NHS: variants seen among roughly 807,000 people sequenced by gnomAD.
NHS encodes NHS actin remodeling regulator.
NHS carries 5 observed loss-of-function variants against 72.5 expected under a neutral mutation model. The observed-to-expected ratio is 0.07, with a 90% CI of 0.04 to 0.14. The LOEUF is 0.14. Among genes scored for constraint, NHS ranks in the 10% least tolerant of loss-of-function variants. The pLI, the probability that NHS is intolerant of heterozygous loss-of-function variation, is 1.00. For synonymous variants in NHS, 464 were observed against 547.7 expected, an observed-to-expected ratio of 0.85 and a Z score of 2.13; for missense variants, 1,072 against 1,355.7, an observed-to-expected ratio of 0.79 and a Z score of 3.29.
At chrX:17,688,799 T>C (rs934811027) in intron 2 of NHS, among the ~76,000 whole-genome samples, 3 of 112,187 alleles carry the variant, frequency 2.7e-5, no homozygotes, top group African/African-American at 9.7e-5. Flanking sequence ...GCAGTCAAAA[T>C]AGGAATACAG....
chrX:17,643,129 T>G (rs2065889843), intron 1 of NHS, among the ~76,000 whole-genome samples: 1 of 112,185 alleles, frequency 8.9e-6, no homozygotes, highest in Non-Finnish European at 1.9e-5. Flanking sequence ...CTGATGCAGG[T>G]ACAGTTATTC....
intron 1 of NHS, among the ~76,000 whole-genome samples, chrX:17,549,524 G>A (rs1219457012): frequency 8.9e-6 from 1 of 111,786 alleles, no homozygotes; most frequent in Non-Finnish European, 1.9e-5. Flanking sequence ...TGACAAGAGT[G>A]TCAGCTTCCA....
At chrX:17,438,691 T>A (rs1175222764) in intron 1 of NHS, among the ~76,000 whole-genome samples, 1 of 112,051 alleles carries the variant, frequency 8.9e-6, no homozygotes, top group Non-Finnish European at 1.9e-5. Flanking sequence ...GTGACAGAAA[T>A]CTACAAAAAC....
At chrX:17,536,492 C>G (rs1244272152) in intron 1 of NHS, among the ~76,000 whole-genome samples, 2 of 112,669 alleles carry the variant, frequency 1.8e-5, no homozygotes, top group African/African-American at 6.5e-5. Flanking sequence ...TCTACCTAGT[C>G]AGAGATCCAT....
intron 1 of NHS, among the ~76,000 whole-genome samples, chrX:17,406,728 C>T (rs1231642680): frequency 1.8e-5 from 2 of 112,224 alleles, no homozygotes; most frequent in African/African-American, 6.5e-5. Context: ...GAATCATTAA[C>T]GCTGTCTCCC....
intron 1 of NHS, among the ~76,000 whole-genome samples, chrX:17,477,209 T>A (rs772387508): frequency 4.5e-5 from 5 of 111,929 alleles, no homozygotes; most frequent in African/African-American, 1.6e-4. Context: ...GGGTGCCATA[T>A]TAAATCAAGC....
At chrX:17,681,464 A>G (rs912132651) in intron 1 of NHS, among the ~76,000 whole-genome samples, 1 of 111,552 alleles carries the variant, frequency 9.0e-6, no homozygotes, top group Non-Finnish European at 1.9e-5. Context: ...TCTTTCCACC[A>G]GCCCATCCTG....
intron 1 of NHS, among the ~76,000 whole-genome samples, chrX:17,591,111 T>C (rs1384577033): frequency 1.8e-5 from 2 of 112,034 alleles, no homozygotes; most frequent in Non-Finnish European, 3.8e-5. Context: ...TTGTCCTATG[T>C]GGAACCTGGT....
At chrX:17,477,716 C>T (rs980378482) in intron 1 of NHS, among the ~76,000 whole-genome samples, 1 of 111,721 alleles carries the variant, frequency 9.0e-6, no homozygotes. Flanking sequence ...TCTCTTGAGC[C>T]CTACATGTGG....
At chrX:17,557,654 G>A (rs1011445357) in intron 1 of NHS, among the ~76,000 whole-genome samples, 2 of 111,176 alleles carry the variant, frequency 1.8e-5, no homozygotes. Context: ...CCTCTGCTCC[G>A]GCTCTCACCG....
At chrX:17,444,851 G>A (rs1490727346) in intron 1 of NHS, among the ~76,000 whole-genome samples, 1 of 110,953 alleles carries the variant, frequency 9.0e-6, no homozygotes, top group Non-Finnish European at 1.9e-5. Context: ...TGCTGAGAAG[G>A]GTTCTGGAAG....
chrX:17,590,668 G>A (rs1411249340), intron 1 of NHS, among the ~76,000 whole-genome samples: 1 of 111,697 alleles, frequency 9.0e-6, no homozygotes, highest in East Asian at 2.8e-4. Context: ...CTGTGCCTCT[G>A]AATTCTCCAA....
chrX:17,680,259 T>C (rs2066119032), intron 1 of NHS, among the ~76,000 whole-genome samples: 1 of 112,491 alleles, frequency 8.9e-6, no homozygotes, highest in Non-Finnish European at 1.9e-5. Context: ...CTAGGCTGAT[T>C]ATCCCCATGG....
At chrX:17,422,796 C>T (rs183049337) in intron 1 of NHS, among the ~76,000 whole-genome samples, 56 of 111,359 alleles carry the variant, frequency 5.0e-4, no homozygotes, top group African/African-American at 1.8e-3. Context: ...ACACTTTGGA[C>T]GAGTAGGGAA....
intron 1 of NHS, among the ~76,000 whole-genome samples, chrX:17,608,388 G>A (rs147646616): frequency 1.7e-3 from 194 of 112,101 alleles, no homozygotes; most frequent in African/African-American, 6.2e-3. Flanking sequence ...ACCCACTGCT[G>A]TTTCCTTTGA....
chrX:17,507,895 C>A (rs1364687003), intron 1 of NHS, among the ~76,000 whole-genome samples: 1 of 111,586 alleles, frequency 9.0e-6, no homozygotes, highest in Non-Finnish European at 1.9e-5. Flanking sequence ...AAGATGGGGG[C>A]AAGCATGATA....
intron 1 of NHS, among the ~76,000 whole-genome samples, chrX:17,474,842 G>A (rs748644200): frequency 9.0e-6 from 1 of 111,219 alleles, no homozygotes; most frequent in East Asian, 2.8e-4. Context: ...GCACCCCACA[G>A]CATCCACTAT....
intron 1 of NHS, among the ~76,000 whole-genome samples, chrX:17,391,153 T>G (rs915111333): frequency 1.8e-5 from 2 of 112,051 alleles, no homozygotes; most frequent in Non-Finnish European, 3.8e-5. Flanking sequence ...CCGGCCAGCC[T>G]GGTTGGATCA....
intron 1 of NHS, among the ~76,000 whole-genome samples, chrX:17,542,735 C>G (rs1333503145): frequency 9.1e-6 from 1 of 109,773 alleles, no homozygotes; most frequent in Non-Finnish European, 1.9e-5. Flanking sequence ...AAACAGACCA[C>G]AGAGACAGAG....
Sources: gnomAD v4.1 joint callset for allele counts (sites outside exome capture counted in the v4.1 genomes callset) on GRCh38, gnomAD v4.1.1 for gene constraint, MANE v1.5 for transcripts, NCBI Gene and HGNC (gene_info 2026-07-23, HGNC 2026-07-21) for gene names.